Variants in TASOR observed in about 807,000 individuals in gnomAD.
The protein encoded by TASOR is transcription activation suppressor.
Under a neutral mutation model 178.6 loss-of-function variants are expected in TASOR, and 53 were observed. The ratio of observed to expected loss-of-function variants is 0.30; its 90% confidence interval spans 0.24 to 0.37. The LOEUF is 0.37. Among genes scored for constraint, TASOR ranks in the 10% least tolerant of loss-of-function variants. The pLI, the probability that TASOR is intolerant of heterozygous loss-of-function variation, is 1.00. For missense variants in TASOR, 1,815 were observed against 1,971.4 expected, an observed-to-expected ratio of 0.92 and a Z score of 1.50; for synonymous variants, 713 against 696.2, an observed-to-expected ratio of 1.02 and a Z score of -0.38.
chr3:56,657,627 A>G (rs2077500867), intron 11 of TASOR, among the ~76,000 whole-genome samples: 2 of 152,208 alleles, frequency 1.3e-5, no homozygotes, highest in South Asian at 4.1e-4. Flanking sequence ...TTAAGAGATT[A>G]CAGCAAAGAG....
In TASOR at chr3:56,641,679, G is replaced by A. The variant is rs746942019; in HGVS notation, c.2289C>T (p.Ser763=). 7.1e-5 allele frequency: 115 copies of A among 1,614,062 alleles called. No individual in the cohort carries two copies. The highest frequency in any genetic ancestry group is 8.9e-5 in the Non-Finnish European group (105 of 1,180,046). ...ACAGCCTATGGATGTCAGCAATGCC[G>A]GAGTTACAGGTATCCTGCTGCTGCC... is the stretch of plus-strand genomic sequence containing the variant. ...LRRQQQDTCN[S]GIADIHRLFN... The change falls in exon 15 of 24, where the codon TCC becomes TCT. Residue 763 remains serine, a synonymous_variant. Coordinates refer to ENST00000683822, the MANE Select transcript of TASOR (RefSeq NM_001365635.2).
Position 56,657,859 on chromosome 3 carries a change from C to T in TASOR, c.1368+2872G>A, listed in dbSNP as rs2077505757. Among the ~76,000 whole-genome samples the T allele has an allele frequency of 1.3e-5, 2 of 152,188 alleles. 1 individual carries two copies. The highest frequency in any genetic ancestry group is 1.3e-4 in the Admixed American group (2 of 15,286). On this transcript the variant is annotated intron_variant, in intron 11 of 23. Transcript: ENST00000683822. The stretch of plus-strand genomic sequence containing the variant: ...CATTCAGGATAGCAGGGAATAGCTG[C>T]CTCTTCCCTTTTATAAGCAAATAGA...
intron 2 of TASOR, among the ~76,000 whole-genome samples, chr3:56,673,332 T>G (rs954914774): frequency 6.7e-6 from 1 of 148,642 alleles, no homozygotes; most frequent in Admixed American, 6.9e-5. Context: ...CTTTGGAGGC[T>G]GAGGCAGGAG....
chr3:56,649,487 G>A (rs931889059), intron 11 of TASOR, among the ~76,000 whole-genome samples: 1 of 152,178 alleles, frequency 6.6e-6, no homozygotes, highest in African/African-American at 2.4e-5. Flanking sequence ...AACCCAATGT[G>A]TTGCCATAAT....
At position 56,646,798 on chromosome 3, in the gene TASOR, C is replaced by A. The variant is rs2077247556; in HGVS notation, c.1939G>T (p.Gly647Cys). ...CGTTTTCCAAATTTCATTTTTGTAC[C>A]ATTCATTTCTTCTTCTTGACCTTCA... ...DYEGQEEEMN[G>C]TKMKFGKRNN... The change falls in exon 14 of 24, where the codon GGT becomes TGT. Residue 647 changes from glycine to cysteine, a missense_variant. Around this residue, in one of 5 missense-constraint regions of TASOR, gnomAD observed 504 missense variants for 645.3 expected, o/e 0.78. Transcript: ENST00000683822. 2 of 1,613,306 alleles carry A rather than the reference C, an allele frequency of 1.2e-6. No individual in the cohort carries two copies. The highest frequency in any genetic ancestry group is 2.2e-5 in the South Asian group (2 of 90,864).
intron 17 of TASOR, among the ~76,000 whole-genome samples, chr3:56,638,476 G>A (rs1218014177): frequency 2.0e-5 from 3 of 152,108 alleles, no homozygotes. Flanking sequence ...ACTCTACTAT[G>A]GGTGAAGAAA....
chr3:56,682,331 A>T (rs1428171796), intron 1 of TASOR, among the ~76,000 whole-genome samples: 1 of 148,084 alleles, frequency 6.8e-6, no homozygotes, highest in African/African-American at 2.5e-5. Flanking sequence ...GAGACTTCTC[A>T]GAAGCATCCT....
intron 1 of TASOR, among the ~76,000 whole-genome samples, chr3:56,680,861 A>G (rs556634463): frequency 4.6e-4 from 70 of 152,246 alleles, no homozygotes; most frequent in African/African-American, 1.7e-3. Flanking sequence ...TTTACCCAAG[A>G]GGTACAAGAC....
intron 18 of TASOR, among the ~76,000 whole-genome samples, chr3:56,629,932 T>A (rs1290355311): frequency 6.6e-6 from 1 of 151,806 alleles, no homozygotes. Flanking sequence ...AGTCAGTTAA[T>A]GAAAAGGTAA....
rs2076256743 is a variant in TASOR, at chr3:56,620,367, T to TC, written c.*2669dup. On this transcript the variant is annotated 3_prime_UTR_variant, in exon 24 of 24. Coordinates refer to ENST00000683822, the MANE Select transcript of TASOR (RefSeq NM_001365635.2). ...TAACCTTACTCACCATACTACTTTT[T>TC]CTCCCAAACTATTGTGACTTCTTTT... 6.5e-6 allele frequency: 1 copy of TC among 152,950 alleles called. No homozygotes were observed. Among genetic ancestry groups the TC allele is most frequent in the African/African-American group, 2.4e-5 (1 of 41,458 alleles). The allele number at this position is 152,950 out of a possible 1,614,324, so 9.5% of individuals were successfully genotyped here.
Position 56,633,825 on chromosome 3 carries a change from G to C in TASOR, c.2966C>G (p.Thr989Ser), listed in dbSNP as rs534030408. The C allele has an allele frequency of 4.9e-5, 79 of 1,614,086 alleles. No individual in the cohort carries two copies. In the South Asian group the frequency reaches 7.9e-4, roughly 16 times the overall value. Reference sequence around the variant, plus strand: ...CTGACCTGTCAACACGTCATCCTCAGTGGTGCCCTTTAGTGTGTCTGTAAA... The same window carrying C: ...CTGACCTGTCAACACGTCATCCTCACTGGTGCCCTTTAGTGTGTCTGTAAA... ...SPFTDTLKGT[T>S]EDDVLTGQVE... Residue 989 changes from threonine to serine, a missense_variant, in exon 18 of 24, where the codon ACT becomes AGT. By Grantham distance (58) the Thr-to-Ser change is moderately conservative. Around this residue, in one of 5 missense-constraint regions of TASOR, gnomAD observed 655 missense variants for 671.1 expected, o/e 0.98. Coordinates refer to ENST00000683822, the MANE Select transcript of TASOR (RefSeq NM_001365635.2).
At position 56,623,024 on chromosome 3, in the gene TASOR, A is replaced by G; in HGVS notation, c.*13T>C. ...AAGTCCACAACAATCTCTTAAAAAA[A>G]AAGTTACTACAGTTATTTCTCTTGT... On this transcript the variant is annotated 3_prime_UTR_variant, in exon 24 of 24. Coordinates refer to ENST00000683822, the MANE Select transcript of TASOR (RefSeq NM_001365635.2). The G allele has an allele frequency of 6.7e-7, 1 of 1,483,142 alleles. No individual in the cohort carries two copies. The highest frequency in any genetic ancestry group is 9.0e-7 in the Non-Finnish European group (1 of 1,114,784). The allele number at this position is 1,483,142 out of a possible 1,614,324, so 91.9% of individuals were successfully genotyped here. A position where few individuals can be genotyped will look rare whatever the true frequency, so the allele number is the denominator to read the frequency against.
chr3:56,655,134 A>C (rs982074416), intron 11 of TASOR, among the ~76,000 whole-genome samples: 36 of 152,336 alleles, frequency 2.4e-4, no homozygotes, highest in African/African-American at 7.9e-4. Context: ...AAAAATAAAG[A>C]AGCAAAGTTT....
At chr3:56,674,837 G>C (rs1416033630) in intron 1 of TASOR, among the ~76,000 whole-genome samples, 1 of 152,186 alleles carries the variant, frequency 6.6e-6, no homozygotes, top group East Asian at 1.9e-4. Context: ...TGTTTGTTTT[G>C]AGATGGAGTC....
rs1559814116 is a variant in TASOR at position 56,627,759 on chromosome 3, C to CAA, written c.3871-20_3871-19dup. ...CCAGGTATCTGTTTAAATCCCAAAA[C>CAA]AAAAAGAGAAACAGATGGAGGGAAT... On this transcript the variant is annotated intron_variant, in intron 19 of 23. Transcript: ENST00000683822. The CAA allele has an allele frequency of 3.7e-6, 6 of 1,604,804 alleles. No individual in the cohort carries two copies. Among genetic ancestry groups the CAA allele is most frequent in the Non-Finnish European group, 5.1e-6 (6 of 1,177,244 alleles).
Position 56,624,524 on chromosome 3 carries a change from T to C in TASOR, c.4438A>G (p.Asn1480Asp), listed in dbSNP as rs1373553658. The change falls in exon 23 of 24, where the codon AAC becomes GAC. Residue 1480 changes from asparagine to aspartate, a missense_variant. By Grantham distance (23) the Asn-to-Asp change is conservative (BLOSUM62 1). This residue lies in a region of TASOR where 278 missense variants were observed against 257.1 expected (regional missense o/e 1.08). Transcript: ENST00000683822. ...VGYHNSITEE[N>D]LPQLGANENL... is the part of the protein sequence containing the mutation. ...TCATTAGCACCAAGCTGTGGAAGGT[T>C]TTCTTCTGTGATTGAATTGTGATAG... The C allele has an allele frequency of 6.2e-7, 1 of 1,614,126 alleles. No homozygotes were observed. Among genetic ancestry groups the C allele is most frequent in the Admixed American group, 1.7e-5 (1 of 60,018 alleles).
chr3:56,628,418 G>C, intron 19 of TASOR, 74 bp downstream of exon 19: 2 of 1,325,246 alleles, frequency 1.5e-6, no homozygotes, highest in Non-Finnish European at 1.1e-6. Context: ...AAAAACACTA[G>C]TCTGGCAGAC....
chr3:56,677,174 G>A (rs1389305499), intron 1 of TASOR, among the ~76,000 whole-genome samples: 1 of 152,040 alleles, frequency 6.6e-6, no homozygotes, highest in East Asian at 1.9e-4. Context: ...CATGTATCTC[G>A]ATCAATGTAT....
chr3:56,671,409 G>T (rs1488675363), intron 3 of TASOR, 191 bp downstream of exon 3: 4 of 507,142 alleles, frequency 7.9e-6, no homozygotes, highest in Admixed American at 3.6e-5. Flanking sequence ...AATAGGACTG[G>T]TCAGAGAAAA....
Sources: gnomAD v4.1 joint callset for allele counts (sites outside exome capture counted in the v4.1 genomes callset) on GRCh38, gnomAD v4.1.1 for gene constraint, gnomAD v4.1.1 regional missense constraint, MANE v1.5 for transcripts, NCBI Gene and HGNC (gene_info 2026-07-23, HGNC 2026-07-21) for gene names.